Variants in SYT10 observed in about 807,000 individuals in gnomAD.
SYT10 encodes the protein synaptotagmin 10, also known as synaptotagmin-10.
SYT10 carries 31 observed loss-of-function variants against 51.1 expected under a neutral mutation model. That is an observed-to-expected ratio of 0.61 (90% confidence interval 0.46 to 0.82). The LOEUF (loss-of-function observed/expected upper bound fraction) is 0.82. Among genes scored for constraint, SYT10 ranks in the 40% least tolerant of loss-of-function variants. The probability of loss-of-function intolerance (pLI) is 0.00; values close to 1 mark genes in which losing one functional copy is unlikely to be tolerated. For synonymous variants in SYT10, 233 were observed against 225.9 expected, an observed-to-expected ratio of 1.03 and a Z score of -0.28; for missense variants, 603 against 634.0, an observed-to-expected ratio of 0.95 and a Z score of 0.53.
In SYT10 at chr12:33,406,771, G is replaced by A. The variant is rs747987045; in HGVS notation, c.1077+18C>T. ...TAAGTCAAATAAAAAACAATATATTGGTGGAATTACTACTTACTGTGGTAG... is the reference window on the plus strand; with the variant it reads ...TAAGTCAAATAAAAAACAATATATTAGTGGAATTACTACTTACTGTGGTAG... On this transcript the variant is annotated intron_variant, in intron 3 of 6. Coordinates refer to ENST00000228567, the MANE Select transcript of SYT10 (RefSeq NM_198992.4). 1.3e-6 allele frequency: 2 copies of A among 1,560,952 alleles called. No individual in the cohort carries two copies. The highest frequency in any genetic ancestry group is 2.4e-5 in the South Asian group (2 of 83,446).
intron 2 of SYT10, chr12:33,423,957 T>C: frequency 2.2e-6 from 1 of 455,928 alleles, no homozygotes; most frequent in Non-Finnish European, 4.4e-6. Flanking sequence ...CTTGGCATAG[T>C]GACAAAATTG....
chr12:33,397,649 T>C (rs2138403672), intron 3 of SYT10, among the ~76,000 whole-genome samples: 1 of 152,152 alleles, frequency 6.6e-6, no homozygotes, highest in South Asian at 2.1e-4. Flanking sequence ...CATCTTCAGC[T>C]TCTGAGGTTT....
At chr12:33,383,114 C>T (rs998115976) in intron 4 of SYT10, among the ~76,000 whole-genome samples, 2 of 152,074 alleles carry the variant, frequency 1.3e-5, no homozygotes, top group Non-Finnish European at 2.9e-5. Context: ...ATCCTATTAC[C>T]CTTACCATCT....
At chr12:33,402,329 A>G (rs9971944) in intron 3 of SYT10, among the ~76,000 whole-genome samples, 152,220 of 152,340 alleles carry the variant, frequency 1, 76,051 homozygotes, top group Middle Eastern at 1. Context: ...CTACAGTCTT[A>G]ATTTATTTCC....
chr12:33,439,293 C>T, intron 1 of SYT10, 79 bp downstream of exon 1: 2 of 1,512,098 alleles, frequency 1.3e-6, no homozygotes, highest in Non-Finnish European at 8.8e-7. Flanking sequence ...GCGCGGGAGG[C>T]GCAGAACCCC....
At chr12:33,400,061 C>T (rs531433495) in intron 3 of SYT10, among the ~76,000 whole-genome samples, 12 of 152,292 alleles carry the variant, frequency 7.9e-5, no homozygotes, top group Admixed American at 7.2e-4. Flanking sequence ...CAGACAGCCC[C>T]TGACCAGAAA....
chr12:33,437,330 T>C (rs1174070182), intron 1 of SYT10, among the ~76,000 whole-genome samples: 1 of 152,218 alleles, frequency 6.6e-6, no homozygotes, highest in African/African-American at 2.4e-5. Context: ...CTTGCAATTG[T>C]TTTAGACTAA....
chr12:33,417,584 A>C (rs1343968670), intron 2 of SYT10, among the ~76,000 whole-genome samples: 1 of 152,228 alleles, frequency 6.6e-6, no homozygotes, highest in Admixed American at 6.5e-5. Flanking sequence ...GTGACTCTCA[A>C]AAGATTGAGA....
At chr12:33,389,385 G>C (rs1419006830) in intron 3 of SYT10, among the ~76,000 whole-genome samples, 1 of 152,050 alleles carries the variant, frequency 6.6e-6, no homozygotes, top group East Asian at 1.9e-4. Context: ...ATAAAATGAA[G>C]ACTATAATAA....
chr12:33,423,947 C>G, intron 2 of SYT10: 1 of 455,830 alleles, frequency 2.2e-6, no homozygotes, highest in South Asian at 1.5e-5. Context: ...GGAAGGGTGC[C>G]TTGGCATAGT....
intron 3 of SYT10, 33 bp from the exon 4 acceptor site, chr12:33,385,324 A>G: frequency 6.2e-7 from 1 of 1,609,398 alleles, no homozygotes; most frequent in Non-Finnish European, 8.5e-7. Flanking sequence ...AGCAATTTCA[A>G]ACATTGAAGG....
chr12:33,399,338 G>T (rs1038965266), intron 3 of SYT10, among the ~76,000 whole-genome samples: 1 of 152,110 alleles, frequency 6.6e-6, no homozygotes, highest in Non-Finnish European at 1.5e-5. Flanking sequence ...ATTTAAAACT[G>T]GTGGCACAAA....
At chr12:33,395,644 T>C (rs1324118976) in intron 3 of SYT10, among the ~76,000 whole-genome samples, 1 of 152,218 alleles carries the variant, frequency 6.6e-6, no homozygotes, top group Admixed American at 6.5e-5. Context: ...TTGACTCCAA[T>C]TGATTTTTAA....
intron 3 of SYT10, among the ~76,000 whole-genome samples, chr12:33,387,902 C>G (rs1866171115): frequency 6.6e-6 from 1 of 152,068 alleles, no homozygotes; most frequent in African/African-American, 2.4e-5. Context: ...ACCACCAAGC[C>G]TGGTTAATTT....
chr12:33,397,798 A>T (rs550188336), intron 3 of SYT10, among the ~76,000 whole-genome samples: 17 of 152,138 alleles, frequency 1.1e-4, no homozygotes, highest in Non-Finnish European at 2.5e-4. Context: ...AGAGAATATG[A>T]ATCTGAGTTG....
At chr12:33,390,704 T>TTTCA (rs1168733810) in intron 3 of SYT10, among the ~76,000 whole-genome samples, 5 of 152,154 alleles carry the variant, frequency 3.3e-5, no homozygotes, top group Non-Finnish European at 5.9e-5. Flanking sequence ...ATCTCTAAAC[T>TTTCA]TTCATTCATT....
chr12:33,438,003 C>T (rs1866651683), intron 1 of SYT10, among the ~76,000 whole-genome samples: 1 of 152,172 alleles, frequency 6.6e-6, no homozygotes, highest in South Asian at 2.1e-4. Context: ...CTGCCAAGTG[C>T]AGACAGAGCC....
chr12:33,395,686 C>T (rs528749917), intron 3 of SYT10, among the ~76,000 whole-genome samples: 1 of 152,264 alleles, frequency 6.6e-6, no homozygotes, highest in South Asian at 2.1e-4. Flanking sequence ...GCTTAGTTCT[C>T]TATGCATATC....
At chr12:33,425,580 C>G (rs1866543416) in intron 2 of SYT10, among the ~76,000 whole-genome samples, 1 of 151,986 alleles carries the variant, frequency 6.6e-6, no homozygotes, top group African/African-American at 2.4e-5. Flanking sequence ...TATACTTTGC[C>G]CAGTGTAAGA....
Sources: gnomAD v4.1 joint callset for allele counts (sites outside exome capture counted in the v4.1 genomes callset) on GRCh38, gnomAD v4.1.1 for gene constraint, MANE v1.5 for transcripts, NCBI Gene and HGNC (gene_info 2026-07-23, HGNC 2026-07-21) for gene names.